MACROD1: variants seen among roughly 807,000 people sequenced by gnomAD.
MACROD1 encodes ADP-ribose glycohydrolase MACROD1.
Under a neutral mutation model 41.4 loss-of-function variants are expected in MACROD1, and 31 were observed. That is an observed-to-expected ratio of 0.75 (90% CI 0.56 to 1.01). The LOEUF (loss-of-function observed/expected upper bound fraction) is 1.01. Among genes scored for constraint, MACROD1 ranks in the 50% least tolerant of loss-of-function variants. The pLI, the probability that MACROD1 is intolerant of heterozygous loss-of-function variation, is 0.00. For synonymous variants in MACROD1, 252 were observed against 203.4 expected, an observed-to-expected ratio of 1.24 and a Z score of -2.03; for missense variants, 473 against 460.0, an observed-to-expected ratio of 1.03 and a Z score of -0.26.
At position 64,120,826 on chromosome 11, in the gene MACROD1, C is replaced by T. The variant is rs1269751182; in HGVS notation, c.517+30413G>A. Among the ~76,000 whole-genome samples, 3 of 152,136 alleles carry T rather than the reference C, an allele frequency of 2.0e-5. No homozygotes were observed. The highest frequency in any genetic ancestry group is 2.9e-5 in the Non-Finnish European group (2 of 68,008). ...AGGGGACAGAAGTCCCAGGTCTCTG[C>T]TGATTCTAAAATGAGACCACCCCTC... is the stretch of plus-strand genomic sequence containing the variant. On this transcript the variant is annotated intron_variant, in intron 3 of 10. Coordinates refer to ENST00000255681, the MANE Select transcript of MACROD1 (RefSeq NM_014067.4). This position sits in a 1 kb window ranked among gnomAD's most constrained non-coding sequence, Gnocchi z 4.5.
In MACROD1 at chr11:64,163,455, G is replaced by A. The variant is rs1770501154; in HGVS notation, c.298+2242C>T. ...ATAAAGCAGGAGAGACTTCGAAGAC[G>A]AGGTCACAAAGAAGGCACTGCAGCT... On this transcript the variant is annotated intron_variant, in intron 1 of 10. Coordinates refer to ENST00000255681, the MANE Select transcript of MACROD1 (RefSeq NM_014067.4). Among the ~76,000 whole-genome samples, 5 of 152,194 alleles carry A rather than the reference G, an allele frequency of 3.3e-5. No homozygotes were observed. In the South Asian group the frequency reaches 8.3e-4, roughly 25 times the overall value.
intron 3 of MACROD1, among the ~76,000 whole-genome samples, chr11:64,041,027 A>G (rs1249361880): frequency 6.6e-6 from 1 of 151,810 alleles, no homozygotes; most frequent in African/African-American, 2.4e-5. Flanking sequence ...GGGATGGCTT[A>G]TACTTAATTA....
At chr11:64,118,141 AC>A in intron 3 of MACROD1, 1 of 1,613,782 alleles carries the variant, frequency 6.2e-7, no homozygotes, top group Non-Finnish European at 8.5e-7. Context: ...CTGCCCATCA[AC>A]CCGTACCGCG....
intron 3 of MACROD1, among the ~76,000 whole-genome samples, chr11:64,133,543 CT>C (rs2134663472): frequency 6.6e-6 from 1 of 152,336 alleles, no homozygotes; most frequent in South Asian, 2.1e-4. Flanking sequence ...CTCCCCTGTG[CT>C]CCGGAAGCAC....
At position 64,000,303 on chromosome 11, in the gene MACROD1, G is replaced by T. The variant is rs750198097; in HGVS notation, c.588C>A (p.Thr196=). Residue 196 remains threonine (T), a synonymous_variant, in exon 5 of 11, where the codon ACC becomes ACA. Transcript: ENST00000255681. ...AGCTCTGCAGGGTCCGGCACTCGTC[G>T]GTAAGCAGGGGGCCGGCGGCCCGAT... ...CIHRAAGPLL[T]DECRTLQSCK... 1.6e-5 allele frequency: 26 copies of T among 1,595,598 alleles called. No individual in the cohort carries two copies. The South Asian group carries it at 1.7e-4, about 10-fold the overall frequency.
chr11:64,030,138 G>A (rs902138499), intron 3 of MACROD1, among the ~76,000 whole-genome samples: 2 of 151,990 alleles, frequency 1.3e-5, no homozygotes, highest in Non-Finnish European at 2.9e-5. Context: ...CCCAGGGGCA[G>A]CTGGTTAGAC....
chr11:64,100,276 T>C (rs565651649), intron 3 of MACROD1, among the ~76,000 whole-genome samples: 4 of 152,146 alleles, frequency 2.6e-5, no homozygotes, highest in African/African-American at 4.8e-5. Context: ...AGATGTGAGA[T>C]TGGGCACTTG....
rs549684469 is a variant in MACROD1, at chr11:64,120,098, G to C, written c.517+31141C>G. Among the ~76,000 whole-genome samples the C allele has an allele frequency of 1.3e-5, 2 of 152,164 alleles. No homozygotes were observed. Among genetic ancestry groups the C allele is most frequent in the Non-Finnish European group, 2.9e-5 (2 of 68,030 alleles). On this transcript the variant is annotated intron_variant, in intron 3 of 10. Transcript: ENST00000255681. This position sits in a 1 kb window ranked among gnomAD's most constrained non-coding sequence, Gnocchi z 4.5. ...GAAAAGCAAAGGCAGAAGCAGCAGC[G>C]GGGCAGGGGTTACGTTAAAAGGCCC... is the stretch of plus-strand genomic sequence containing the variant.
intron 3 of MACROD1, among the ~76,000 whole-genome samples, chr11:64,132,124 A>G (rs150085991): frequency 3.3e-5 from 5 of 152,142 alleles, no homozygotes; most frequent in Non-Finnish European, 5.9e-5. Flanking sequence ...ACAGTCTCCT[A>G]TTCATGGGGA....
chr11:64,043,930 C>G (rs1453320266), intron 3 of MACROD1, among the ~76,000 whole-genome samples: 1 of 151,934 alleles, frequency 6.6e-6, no homozygotes, highest in Non-Finnish European at 1.5e-5. Context: ...TCTCCTGCCT[C>G]AGCCTCCCAA....
chr11:64,048,318 C>T (rs1943624732), intron 3 of MACROD1, among the ~76,000 whole-genome samples: 1 of 152,252 alleles, frequency 6.6e-6, no homozygotes, highest in African/African-American at 2.4e-5. Context: ...AGAGCCCAGC[C>T]TTTGTGCCAG....
intron 3 of MACROD1, among the ~76,000 whole-genome samples, chr11:64,061,225 A>T (rs763532504): frequency 3.9e-4 from 59 of 152,236 alleles, no homozygotes; most frequent in Non-Finnish European, 1.6e-4. Flanking sequence ...TAATAAATGC[A>T]TTTGGAGTAA....
At chr11:64,149,158 G>A in intron 3 of MACROD1, 3 of 357,344 alleles carry the variant, frequency 8.4e-6, no homozygotes, top group Non-Finnish European at 1.2e-5. Context: ...CTGGGACAGG[G>A]GTGATGCCCA....
At chr11:64,160,194 C>A (rs1945733014) in intron 1 of MACROD1, among the ~76,000 whole-genome samples, 2 of 152,146 alleles carry the variant, frequency 1.3e-5, no homozygotes, top group Admixed American at 1.3e-4. Context: ...CAGGGCAAGG[C>A]TTCCAAAATC....
In MACROD1 at chr11:64,001,522, T is replaced by C. The variant is rs935918166; in HGVS notation, c.548-1179A>G. On this transcript the variant is annotated intron_variant, in intron 4 of 10. Coordinates refer to ENST00000255681, the MANE Select transcript of MACROD1 (RefSeq NM_014067.4). ...TCGGCACAGTTCCAGGGATGCCAGG[T>C]AGCTCACACCCCTTTCTTTTGCTGT... 6 of 702,264 alleles carry C rather than the reference T, an allele frequency of 8.5e-6. No individual in the cohort carries two copies. The African/African-American group carries it at 1.0e-4, about 12-fold the overall frequency. The allele number at this position is 702,264 out of a possible 1,614,324, so 43.5% of individuals were successfully genotyped here. A position where few individuals can be genotyped will look rare whatever the true frequency, so the allele number is the denominator to read the frequency against.
chr11:64,018,884 G>T (rs1480757241), intron 3 of MACROD1, among the ~76,000 whole-genome samples: 1 of 152,198 alleles, frequency 6.6e-6, no homozygotes, highest in African/African-American at 2.4e-5. Flanking sequence ...TGAAGGCGTG[G>T]TGGCTTCAGG....
intron 3 of MACROD1, among the ~76,000 whole-genome samples, chr11:64,071,904 AC>A (rs1199280070): frequency 1.3e-5 from 2 of 151,854 alleles, no homozygotes; most frequent in Non-Finnish European, 2.9e-5. Flanking sequence ...TCAAGAAGCA[AC>A]CCCTAATCTG....
intron 3 of MACROD1, among the ~76,000 whole-genome samples, chr11:64,069,924 T>C (rs527922776): frequency 3.3e-5 from 5 of 151,972 alleles, no homozygotes; most frequent in Non-Finnish European, 7.4e-5. Context: ...AGAAGGCACA[T>C]GTCACCCTGA....
At chr11:64,130,004 T>G (rs975924737) in intron 3 of MACROD1, among the ~76,000 whole-genome samples, 30 of 152,268 alleles carry the variant, frequency 2.0e-4, no homozygotes, top group African/African-American at 5.1e-4. Context: ...TCAAAGGCAC[T>G]GCAGGGGACC....
Sources: allele counts gnomAD v4.1 joint callset (sites outside exome capture counted in the v4.1 genomes callset), GRCh38; gene constraint gnomAD v4.1.1; non-coding constraint Gnocchi (gnomAD v3.1); transcripts MANE v1.5; gene names NCBI Gene and HGNC (gene_info 2026-07-23, HGNC 2026-07-21).